GABRA2: variants seen among roughly 807,000 people sequenced by gnomAD.
GABRA2 encodes the protein gamma-aminobutyric acid type A receptor subunit alpha2, also known as gamma-aminobutyric acid receptor subunit alpha-2.
GABRA2 carries 16 observed loss-of-function variants against 48.7 expected under a neutral mutation model. That is an observed-to-expected ratio of 0.33 (90% confidence interval 0.22 to 0.50). GABRA2 has a LOEUF of 0.50. GABRA2 is among the 20% of genes least tolerant of loss of function. The pLI, the probability that GABRA2 is intolerant of heterozygous loss-of-function variation, is 0.98. For missense variants in GABRA2, 275 were observed against 535.6 expected (o/e 0.51, Z 4.80); for synonymous variants, 185 against 184.5 (o/e 1.00, Z -0.02).
intron 8 of GABRA2, among the ~76,000 whole-genome samples, chr4:46,290,370 C>T (rs1214696333): frequency 6.6e-6 from 1 of 151,574 alleles, no homozygotes; most frequent in African/African-American, 2.4e-5. Context: ...GAGATTATTG[C>T]TGTTTTAACA....
chr4:46,321,662 G>A (rs1168367027), intron 4 of GABRA2, among the ~76,000 whole-genome samples: 1 of 151,988 alleles, frequency 6.6e-6, no homozygotes, highest in Non-Finnish European at 1.5e-5. Flanking sequence ...CTGTAAAATG[G>A]TAAGAAAAAT....
At position 46,267,354 on chromosome 4, in the gene GABRA2, T is replaced by C. The variant is rs1445092354; in HGVS notation, c.857-5226A>G. On this transcript the variant is annotated intron_variant, in intron 8 of 9. Coordinates refer to ENST00000381620, the MANE Select transcript of GABRA2 (RefSeq NM_000807.4). ...ATTGGTAAAGTGTTTGAAACATCAT[T>C]ATTATATTTTCCTTTAGTTCTTTCG... is the stretch of plus-strand genomic sequence containing the variant. Among the ~76,000 whole-genome samples, 3 of 152,072 alleles carry C rather than the reference T, an allele frequency of 2.0e-5. No homozygotes were observed. The East Asian group carries it at 5.8e-4, about 29-fold the overall frequency.
At chr4:46,324,552 A>G (rs1578052476) in intron 4 of GABRA2, among the ~76,000 whole-genome samples, 1 of 151,878 alleles carries the variant, frequency 6.6e-6, no homozygotes, top group Admixed American at 6.6e-5. Context: ...ACAGTTGTTT[A>G]TTATTTAGTT....
At chr4:46,271,486 C>CA (rs1461419642) in intron 8 of GABRA2, among the ~76,000 whole-genome samples, 1 of 151,928 alleles carries the variant, frequency 6.6e-6, no homozygotes, top group African/African-American at 2.4e-5. Context: ...TTTACAAATA[C>CA]AACCTCAGCA....
Position 46,262,083 on chromosome 4 carries a change from C to T in GABRA2, c.902G>A (p.Arg301Gln). The stretch of plus-strand genomic sequence containing the variant: ...ATAAGCCACTTTGGGGAGAGAATTC[C>T]GAGCACTGATGCTTAGAGTTGTCAT... The part of the protein sequence containing the change: ...LTMTTLSISA[R>Q]NSLPKVAYAT... The change falls in exon 9 of 10, where the codon CGG becomes CAG. Residue 301 changes from arginine (R) to glutamine (Q), a missense_variant. Arg to Gln is a conservative substitution (Grantham distance 43). Around this residue, in one of 4 missense-constraint regions of GABRA2, gnomAD observed 24 missense variants for 113.8 expected, o/e 0.21. Transcript: ENST00000381620. The T allele has an allele frequency of 6.2e-7, 1 of 1,613,670 alleles. No homozygotes were observed. Among genetic ancestry groups the T allele is most frequent in the Non-Finnish European group, 8.5e-7 (1 of 1,179,806 alleles).
intron 3 of GABRA2, among the ~76,000 whole-genome samples, chr4:46,339,389 C>A (rs570282944): frequency 1.3e-5 from 2 of 151,752 alleles, no homozygotes; most frequent in South Asian, 4.2e-4. Flanking sequence ...AGTTAAGTTC[C>A]ATGAAGACTG....
chr4:46,266,297 ATATT>A (rs933853316), intron 8 of GABRA2, among the ~76,000 whole-genome samples: 43 of 147,978 alleles, frequency 2.9e-4, no homozygotes, highest in African/African-American at 9.8e-4. Context: ...ACAAATTATT[ATATT>A]TAATTTTTAA....
At chr4:46,319,832 A>C (rs938234408) in intron 4 of GABRA2, among the ~76,000 whole-genome samples, 2 of 151,868 alleles carry the variant, frequency 1.3e-5, no homozygotes, top group African/African-American at 2.4e-5. Context: ...AGAAGTATTC[A>C]ATATGATTCA....
intron 4 of GABRA2, among the ~76,000 whole-genome samples, chr4:46,318,671 T>TA (rs1728947185): frequency 1.3e-5 from 2 of 151,734 alleles, no homozygotes; most frequent in Admixed American, 1.3e-4. Flanking sequence ...CATACAAACT[T>TA]AAAGGCTTAG....
intron 8 of GABRA2, among the ~76,000 whole-genome samples, chr4:46,280,169 G>A (rs1272374183): frequency 6.6e-6 from 1 of 152,046 alleles, no homozygotes; most frequent in Non-Finnish European, 1.5e-5. Context: ...ATGCAATGGA[G>A]TACAAAAATA....
chr4:46,266,718 C>CATTT (rs1553900524), intron 8 of GABRA2, among the ~76,000 whole-genome samples: 4 of 92,846 alleles, frequency 4.3e-5, no homozygotes, highest in African/African-American at 1.8e-4. Flanking sequence ...CAAATATTCT[C>CATTT]TTTTTTTTTT....
At chr4:46,312,775 T>C in intron 4 of GABRA2, 59 bp from the exon 5 acceptor site, 1 of 831,480 alleles carries the variant, frequency 1.2e-6, no homozygotes, top group Middle Eastern at 3.6e-4. Context: ...CAAGACACGG[T>C]AAAATTCCAA....
chr4:46,260,885 A>G (rs1716823092), intron 9 of GABRA2: 1 of 151,994 alleles, frequency 6.6e-6, no homozygotes, highest in African/African-American at 2.4e-5. Flanking sequence ...AAGGAAAAAG[A>G]CCAAGACTTT....
intron 6 of GABRA2, among the ~76,000 whole-genome samples, chr4:46,307,420 AGTC>A (rs1726885728): frequency 6.7e-6 from 1 of 149,102 alleles, no homozygotes; most frequent in Non-Finnish European, 1.5e-5. Flanking sequence ...AATACTCTGT[AGTC>A]GTCAATAAAT....
In GABRA2 at chr4:46,246,642, G is replaced by T. The variant is rs1430283897; in HGVS notation, c.*3666C>A. On this transcript the variant is annotated 3_prime_UTR_variant, in exon 10 of 10. Coordinates refer to ENST00000381620, the MANE Select transcript of GABRA2 (RefSeq NM_000807.4). ...ATGTTTTCATATGATAAAAAATTTG[G>T]TCATTGCTTCAAAAACATGCAGATG... Among the ~76,000 whole-genome samples the T allele has an allele frequency of 6.6e-6, 1 of 151,172 alleles. No homozygotes were observed. Among genetic ancestry groups the T allele is most frequent in the Non-Finnish European group, 1.5e-5 (1 of 67,434 alleles).
At chr4:46,325,836 T>C (rs991158743) in intron 4 of GABRA2, among the ~76,000 whole-genome samples, 1 of 152,036 alleles carries the variant, frequency 6.6e-6, no homozygotes, top group African/African-American at 2.4e-5. Flanking sequence ...TAAGGAGTCC[T>C]TACCCCACTG....
intron 3 of GABRA2, among the ~76,000 whole-genome samples, chr4:46,345,073 T>A (rs1040322484): frequency 6.6e-6 from 1 of 151,876 alleles, no homozygotes; most frequent in African/African-American, 2.4e-5. Flanking sequence ...GCTGTTCTCA[T>A]GATAGTGAGT....
chr4:46,274,309 C>T (rs1720070525), intron 8 of GABRA2, among the ~76,000 whole-genome samples: 1 of 152,082 alleles, frequency 6.6e-6, no homozygotes, highest in African/African-American at 2.4e-5. Flanking sequence ...CAGAAGTCCA[C>T]ACTCTTTACT....
At chr4:46,337,650 C>CAAAAAAA (rs71652880) in intron 3 of GABRA2, among the ~76,000 whole-genome samples, 4 of 107,738 alleles carry the variant, frequency 3.7e-5, no homozygotes, top group Non-Finnish European at 5.8e-5. Context: ...TTGTTAAGAC[C>CAAAAAAA]AAAAAAAAAA....
Sources: gnomAD v4.1 joint callset for allele counts (sites outside exome capture counted in the v4.1 genomes callset) on GRCh38, gnomAD v4.1.1 for gene constraint, gnomAD v4.1.1 regional missense constraint, MANE v1.5 for transcripts, NCBI Gene and HGNC (gene_info 2026-07-23, HGNC 2026-07-21) for gene names.